The following SYT13 variants were observed in gnomAD, a reference collection of about 807,000 sequenced individuals.
SYT13 encodes synaptotagmin 13.
Under a neutral mutation model 38.6 loss-of-function variants are expected in SYT13, and 21 were observed. That is an observed-to-expected ratio of 0.54 (90% confidence interval 0.39 to 0.78). SYT13 has a LOEUF of 0.78. SYT13 is among the 30% of genes least tolerant of loss of function. SYT13 has a pLI of 0.00. For synonymous variants in SYT13, 241 were observed against 237.6 expected (o/e 1.01, Z -0.13); for missense variants, 495 against 548.7 (o/e 0.90, Z 0.98).
intron 1 of SYT13, among the ~76,000 whole-genome samples, chr11:45,284,430 G>A (rs889249250): frequency 1.5e-4 from 23 of 152,176 alleles, no homozygotes; most frequent in Admixed American, 4.6e-4. Flanking sequence ...TGAACAGTGC[G>A]CCTGGCACAC....
chr11:45,250,540 GTC>G (rs1223396080), intron 4 of SYT13, among the ~76,000 whole-genome samples: 1 of 152,224 alleles, frequency 6.6e-6, no homozygotes, highest in African/African-American at 2.4e-5. Flanking sequence ...CAGCAGGGGA[GTC>G]TCTGCATCTC....
At chr11:45,267,651 C>G (rs1379296433) in intron 1 of SYT13, among the ~76,000 whole-genome samples, 2 of 152,180 alleles carry the variant, frequency 1.3e-5, no homozygotes, top group Non-Finnish European at 2.9e-5. Flanking sequence ...CCCGGCAACA[C>G]TGATTTGCCT....
rs1179795847 is a variant in SYT13 at position 45,286,236 on chromosome 11, C to G, written c.-29G>C. 9 of 1,509,040 alleles carry G rather than the reference C, an allele frequency of 6.0e-6. No homozygotes were observed. The highest frequency in any genetic ancestry group is 8.0e-6 in the Non-Finnish European group (9 of 1,131,102). The allele number at this position is 1,509,040 out of a possible 1,614,324, so 93.5% of individuals were successfully genotyped here. Reference sequence around the variant, plus strand: ...GCCCGCTCCCGGCGAGGGGCTGGGTCCCGCAGCCGCTCACCTTCCCCGGGC... The same window carrying G: ...GCCCGCTCCCGGCGAGGGGCTGGGTGCCGCAGCCGCTCACCTTCCCCGGGC... On this transcript the variant is annotated 5_prime_UTR_variant, in exon 1 of 6. Transcript: ENST00000020926.
intron 1 of SYT13, 21 bp downstream of exon 1, chr11:45,286,004 C>G: frequency 1.3e-6 from 2 of 1,598,138 alleles, no homozygotes; most frequent in Non-Finnish European, 1.7e-6. Flanking sequence ...CGGGAAGGGC[C>G]TGCGCGCCGC....
At chr11:45,255,397 C>T (rs1854732006) in intron 2 of SYT13, among the ~76,000 whole-genome samples, 1 of 152,178 alleles carries the variant, frequency 6.6e-6, no homozygotes, top group African/African-American at 2.4e-5. Context: ...AACCATGGCT[C>T]TTTATCCTCT....
At chr11:45,245,077 T>C (rs1854598629) in intron 5 of SYT13, among the ~76,000 whole-genome samples, 1 of 152,208 alleles carries the variant, frequency 6.6e-6, no homozygotes, top group Non-Finnish European at 1.5e-5. Context: ...TTCTCATCCG[T>C]ACTTTTTAAA....
chr11:45,276,096 G>A (rs1213142812), intron 1 of SYT13, among the ~76,000 whole-genome samples: 4 of 152,154 alleles, frequency 2.6e-5, no homozygotes, highest in Non-Finnish European at 5.9e-5. Flanking sequence ...TATACCCAAA[G>A]GATTGTAAAT....
At position 45,240,534 on chromosome 11, in the gene SYT13, A is replaced by C. The variant is rs901899606; in HGVS notation, c.*3518T>G. The C allele has an allele frequency of 1.3e-5, 2 of 152,372 alleles. No homozygotes were observed. Among genetic ancestry groups the C allele is most frequent in the African/African-American group, 4.8e-5 (2 of 41,442 alleles). The allele number at this position is 152,372 out of a possible 1,614,324, so 9.4% of individuals were successfully genotyped here. A position where few individuals can be genotyped will look rare whatever the true frequency, so the allele number is the denominator to read the frequency against. On this transcript the variant is annotated 3_prime_UTR_variant, in exon 6 of 6. Coordinates refer to ENST00000020926, the MANE Select transcript of SYT13 (RefSeq NM_020826.3). ...ACTCCTTTACATCCAAGAGAAATGG[A>C]CCCTGAATAACTGGTCTCCTAGCTG... is the stretch of plus-strand genomic sequence containing the variant.
intron 5 of SYT13, 27 bp from the exon 6 acceptor site, chr11:45,244,383 G>C: frequency 6.3e-7 from 1 of 1,598,092 alleles, no homozygotes; most frequent in Non-Finnish European, 8.5e-7. Flanking sequence ...GGGAAAAAGA[G>C]ACAGAGAGAA....
At chr11:45,244,603 G>A (rs547254598) in intron 5 of SYT13, among the ~76,000 whole-genome samples, 11 of 152,210 alleles carry the variant, frequency 7.2e-5, no homozygotes, top group South Asian at 4.2e-4. Flanking sequence ...CATCCCACCC[G>A]GACAATCTAT....
chr11:45,273,076 A>G (rs1590528269), intron 1 of SYT13, among the ~76,000 whole-genome samples: 2 of 152,232 alleles, frequency 1.3e-5, no homozygotes, highest in African/African-American at 2.4e-5. Context: ...ATGGCACATT[A>G]TAACTGGGTA....
chr11:45,286,248 C>A lies in SYT13; in HGVS notation c.-41G>T. 8 of 1,490,772 alleles carry A rather than the reference C, an allele frequency of 5.4e-6. No homozygotes were observed. The highest frequency in any genetic ancestry group is 7.1e-6 in the Non-Finnish European group (8 of 1,123,096). 92.3% of individuals were successfully genotyped at this position (1,490,772 alleles called of 1,614,324 possible). A position where few individuals can be genotyped will look rare whatever the true frequency, so the allele number is the denominator to read the frequency against. On this transcript the variant is annotated 5_prime_UTR_variant, in exon 1 of 6. Transcript: ENST00000020926. ...CGAGGGGCTGGGTCCCGCAGCCGCT[C>A]ACCTTCCCCGGGCCGGGCCCGCCTC...
At chr11:45,277,519 G>A (rs900413352) in intron 1 of SYT13, among the ~76,000 whole-genome samples, 2 of 152,142 alleles carry the variant, frequency 1.3e-5, no homozygotes, top group African/African-American at 4.8e-5. Flanking sequence ...GGTCTACAAT[G>A]CCCTGCTCAT....
At chr11:45,246,233 G>A in intron 5 of SYT13, 150 bp downstream of exon 5, 1 of 1,160,138 alleles carries the variant, frequency 8.6e-7, no homozygotes, top group Admixed American at 2.9e-5. Flanking sequence ...TGAACTTAGG[G>A]TGAAGAACAC....
chr11:45,286,222 G>A lies in SYT13; in HGVS notation c.-15C>T, dbSNP rs1460236869. On this transcript the variant is annotated 5_prime_UTR_variant, in exon 1 of 6. Coordinates refer to ENST00000020926, the MANE Select transcript of SYT13 (RefSeq NM_020826.3). ...GACAGCACCATGGTGCCCGCTCCCG[G>A]CGAGGGGCTGGGTCCCGCAGCCGCT... The A allele has an allele frequency of 2.6e-6, 4 of 1,530,852 alleles. 1 individual carries two copies. In the South Asian group the frequency reaches 3.6e-5, roughly 14 times the overall value. 94.8% of individuals were successfully genotyped at this position (1,530,852 alleles called of 1,614,324 possible). A position where few individuals can be genotyped will look rare whatever the true frequency, so the allele number is the denominator to read the frequency against.
At position 45,241,024 on chromosome 11, in the gene SYT13, T is replaced by C. The variant is rs2135879749; in HGVS notation, c.*3028A>G. ...TTTGACATCTCTGGATAATTTAAAATTCACTAAGATGGAGTTTTAGTGGAA... is the reference window on the plus strand; with the variant it reads ...TTTGACATCTCTGGATAATTTAAAACTCACTAAGATGGAGTTTTAGTGGAA... On this transcript the variant is annotated 3_prime_UTR_variant, in exon 6 of 6. Transcript: ENST00000020926. 6.6e-6 allele frequency: 1 copy of C among 152,348 alleles called. No homozygotes were observed. The highest frequency in any genetic ancestry group is 2.1e-4 in the South Asian group (1 of 4,832). 9.4% of individuals were successfully genotyped at this position (152,348 alleles called of 1,614,324 possible). A position where few individuals can be genotyped will look rare whatever the true frequency, so the allele number is the denominator to read the frequency against.
intron 1 of SYT13, among the ~76,000 whole-genome samples, chr11:45,258,769 G>A (rs961143490): frequency 2.6e-5 from 4 of 152,134 alleles, no homozygotes; most frequent in Admixed American, 1.3e-4. Context: ...AGGCAGAGGC[G>A]AAGACCGGGC....
intron 1 of SYT13, among the ~76,000 whole-genome samples, chr11:45,265,434 A>G (rs77742796): frequency 0.016 from 2,441 of 152,344 alleles, 34 homozygotes; most frequent in East Asian, 0.073. Context: ...TAAGCATGCC[A>G]CAACATCAAC....
At position 45,262,834 on chromosome 11, in the gene SYT13, T is replaced by TA. The variant is rs897136812; in HGVS notation, c.184-6944dup. Among the ~76,000 whole-genome samples, 12 of 147,592 alleles carry TA rather than the reference T, an allele frequency of 8.1e-5. No individual in the cohort carries two copies. In the South Asian group the frequency reaches 8.6e-4, roughly 11 times the overall value. Reference sequence around the variant, plus strand: ...TTTATGTTATGTTCTTTTACCATAATAAAAAAAAAGAGAGAAAAAACCCCA... The same window carrying TA: ...TTTATGTTATGTTCTTTTACCATAATAAAAAAAAAAGAGAGAAAAAACCCCA... On this transcript the variant is annotated intron_variant, in intron 1 of 5. Transcript: ENST00000020926.
Sources: allele counts gnomAD v4.1 joint callset (sites outside exome capture counted in the v4.1 genomes callset), GRCh38; gene constraint gnomAD v4.1.1; transcripts MANE v1.5; gene names NCBI Gene and HGNC (gene_info 2026-07-23, HGNC 2026-07-21).